GANC: variants seen among roughly 807,000 people sequenced by gnomAD.
GANC encodes glucosidase alpha, neutral C.
In GANC, 117 loss-of-function variants were observed where a neutral mutation model predicts 124.2. The observed-to-expected ratio is 0.94, with a 90% CI of 0.81 to 1.10. GANC has a LOEUF of 1.10. Among genes scored for constraint, GANC ranks in the 50% least tolerant of loss-of-function variants. The pLI is 0.00. For missense variants in GANC, 1,140 were observed against 1,095.0 expected (o/e 1.04, Z -0.58); for synonymous variants, 377 against 376.8 (o/e 1.00, Z -0.01).
intron 7 of GANC, among the ~76,000 whole-genome samples, chr15:42,307,290 G>A (rs2052006741): frequency 6.6e-6 from 1 of 151,534 alleles, no homozygotes; most frequent in Non-Finnish European, 1.5e-5. Context: ...AAAAGTGGGG[G>A]CATGGGTTCT....
At chr15:42,280,513 G>A (rs1566948516) in intron 3 of GANC, among the ~76,000 whole-genome samples, 1 of 152,290 alleles carries the variant, frequency 6.6e-6, no homozygotes, top group Admixed American at 6.5e-5. Context: ...AGCAGAAGCA[G>A]TTGGCTCCAG....
At position 42,349,457 on chromosome 15, in the gene GANC, C is replaced by T. The variant is rs1429475130; in HGVS notation, c.2493C>T (p.His831=). ...ACCTCCACCAGAAGCAATTTTTGCA[C>T]AGGAAGTTTTCATTCTGTTCCAGTG... ...FQYLHQKQFL[H]RKFSFCSSVL... The change falls in exon 22 of 24, where the codon CAC becomes CAT. Residue 831 remains histidine, a synonymous_variant. Coordinates refer to ENST00000318010, the MANE Select transcript of GANC (RefSeq NM_198141.3). The T allele has an allele frequency of 6.2e-7, 1 of 1,613,174 alleles. No homozygotes were observed. Among genetic ancestry groups the T allele is most frequent in the East Asian group, 2.2e-5 (1 of 44,858 alleles).
In GANC at chr15:42,326,426, T is replaced by A; in HGVS notation, c.1420+2T>A. The A allele has an allele frequency of 1.2e-6, 2 of 1,613,924 alleles. No homozygotes were observed. The highest frequency in any genetic ancestry group is 1.7e-6 in the Non-Finnish European group (2 of 1,179,858). ...ACTTTGAAGGGGTGTGTTGGCCAGG[T>A]ATGAAATCACTTTATACACTTATTA... On this transcript the variant is annotated splice_donor_variant, in intron 12 of 23. Transcript: ENST00000318010. LOFTEE classifies it high-confidence loss of function.
chr15:42,352,993 C>A lies in GANC; in HGVS notation c.*854C>A. 1 of 672,740 alleles carries A rather than the reference C, an allele frequency of 1.5e-6. No homozygotes were observed. Among genetic ancestry groups the A allele is most frequent in the Non-Finnish European group, 1.8e-6 (1 of 544,454 alleles). 41.7% of individuals were successfully genotyped at this position (672,740 alleles called of 1,614,324 possible). ...TAATCAAAGTAAGTAATATTTCAAT[C>A]CAATATTTTTAAAAATCAGAATTAA... On this transcript the variant is annotated 3_prime_UTR_variant, in exon 24 of 24. Coordinates refer to ENST00000318010, the MANE Select transcript of GANC (RefSeq NM_198141.3).
chr15:42,278,540 A>G lies in GANC; in HGVS notation c.151A>G (p.Thr51Ala). The G allele has an allele frequency of 6.2e-7, 1 of 1,613,384 alleles. No homozygotes were observed. Among genetic ancestry groups the G allele is most frequent in the Admixed American group, 1.7e-5 (1 of 59,890 alleles). The change falls in exon 3 of 24, where the codon ACA becomes GCA. Residue 51 changes from threonine to alanine, a missense_variant. By Grantham distance (58) the Thr-to-Ala change is moderately conservative. Coordinates refer to ENST00000318010, the MANE Select transcript of GANC (RefSeq NM_198141.3). ...CTATCAGGCATTATTGGATTCAGTC[A>G]CAACAGATGAAGACAGCACCAGGTT... ...STYQALLDSV[T>A]TDEDSTRFQI...
In GANC at chr15:42,310,794, G is replaced by C; in HGVS notation, c.1005G>C (p.Leu335=). 6.2e-7 allele frequency: 1 copy of C among 1,613,896 alleles called. No homozygotes were observed. Among genetic ancestry groups the C allele is most frequent in the Non-Finnish European group, 8.5e-7 (1 of 1,179,894 alleles). The change falls in exon 10 of 24, where the codon CTG becomes CTC. Residue 335 remains leucine (L), a synonymous_variant. Coordinates refer to ENST00000318010, the MANE Select transcript of GANC (RefSeq NM_198141.3). ...MSESGIIDVF[L]LTGPTPSDVF... ...AGAGTGGCATCATTGATGTTTTTCT[G>C]CTGACAGGACCTACACCTTCTGATG...
rs756146914 is a variant in GANC, at chr15:42,292,900, G to T, written c.495G>T (p.Gln165His). ...GCCAATTATACTTTGAGCATCTACA[G>T]ATTCTTCACAAACAAAGGTATTCTT... is the stretch of plus-strand genomic sequence containing the variant. ...SLGQLYFEHLQILHKQRAAKE... is the reference protein window; with the variant it reads ...SLGQLYFEHLHILHKQRAAKE... The change falls in exon 5 of 24, where the codon CAG (glutamine) becomes CAT (histidine). Residue 165 changes from glutamine (Q) to histidine (H), a missense_variant. Transcript: ENST00000318010. 1.9e-6 allele frequency: 3 copies of T among 1,613,798 alleles called. No individual in the cohort carries two copies. The highest frequency in any genetic ancestry group is 8.5e-7 in the Non-Finnish European group (1 of 1,179,838).
At position 42,353,272 on chromosome 15, in the gene GANC, C is replaced by T; in HGVS notation, c.*1133C>T. On this transcript the variant is annotated 3_prime_UTR_variant, in exon 24 of 24. Coordinates refer to ENST00000318010, the MANE Select transcript of GANC (RefSeq NM_198141.3). ...ACACCTCTTCTTATCAGGCTTCCTC[C>T]ACTTAGCAACTTGCTAACGGCCACC... 1.0e-6 allele frequency: 1 copy of T among 986,118 alleles called. No homozygotes were observed. Among genetic ancestry groups the T allele is most frequent in the Non-Finnish European group, 1.2e-6 (1 of 830,094 alleles). The allele number at this position is 986,118 out of a possible 1,614,324, so 61.1% of individuals were successfully genotyped here. A position where few individuals can be genotyped will look rare whatever the true frequency, so the allele number is the denominator to read the frequency against.
chr15:42,302,429 C>A (rs1251583792), intron 6 of GANC, among the ~76,000 whole-genome samples: 1 of 152,108 alleles, frequency 6.6e-6, no homozygotes, highest in African/African-American at 2.4e-5. Context: ...ATTCCAAAAA[C>A]CAGAACACCT....
chr15:42,286,620 A>G (rs1035116711), intron 3 of GANC, among the ~76,000 whole-genome samples: 1 of 152,222 alleles, frequency 6.6e-6, no homozygotes, highest in Admixed American at 6.5e-5. Context: ...ATCCACAGCC[A>G]TAGCACTGTT....
intron 6 of GANC, among the ~76,000 whole-genome samples, chr15:42,304,325 T>C (rs553615446): frequency 1.3e-5 from 2 of 152,114 alleles, no homozygotes; most frequent in Non-Finnish European, 2.9e-5. Context: ...AAAAACGCAA[T>C]GTACCAGAAT....
chr15:42,274,944 A>G (rs1352554645), intron 1 of GANC, among the ~76,000 whole-genome samples: 3 of 152,194 alleles, frequency 2.0e-5, no homozygotes, highest in African/African-American at 4.8e-5. Flanking sequence ...AAAAGTTGCA[A>G]TCAGAACTCT....
intron 6 of GANC, 41 bp downstream of exon 6, chr15:42,297,697 T>A (rs760545833): frequency 4.2e-6 from 6 of 1,422,602 alleles, no homozygotes; most frequent in Non-Finnish European, 5.9e-6. Context: ...TTTTTCACCA[T>A]CATCATCATG....
rs76587217 is a variant in GANC, at chr15:42,308,232, T to A, written c.636T>A (p.Ser212=). The stretch of plus-strand genomic sequence containing the variant: ...TCCTGGTCTCTACAGGCCCTTCTTC[T>A]ATTGGTTTGGATTTCTCCTTGCATG... The part of the protein sequence containing the change: ...FVDIKANGPS[S]IGLDFSLHGF... The change falls in exon 8 of 24, where the codon TCT becomes TCA. Residue 212 remains serine, a synonymous_variant. Transcript: ENST00000318010. The A allele has an allele frequency of 6.9e-4, 1,113 of 1,604,748 alleles. 5 individuals carry two copies. In the African/African-American group the frequency reaches 0.013, roughly 19 times the overall value.
At chr15:42,329,213 T>C (rs2052221380) in intron 13 of GANC, 93 bp from the exon 14 acceptor site, 5 of 1,276,418 alleles carry the variant, frequency 3.9e-6, no homozygotes, top group Non-Finnish European at 4.4e-6. Context: ...GCATAGATAA[T>C]AAACATAATT....
intron 10 of GANC, among the ~76,000 whole-genome samples, chr15:42,316,138 G>T (rs1595775857): frequency 6.6e-6 from 1 of 152,120 alleles, no homozygotes; most frequent in African/African-American, 2.4e-5. Flanking sequence ...TGAAAGCAGG[G>T]ACTCAACAGA....
Position 42,308,224 on chromosome 15 carries a change from C to A in GANC, c.628C>A (p.Pro210Thr). The change falls in exon 8 of 24, where the codon CCT (proline) becomes ACT (threonine). Residue 210 changes from proline to threonine, a missense_variant and splice_region_variant. By Grantham distance (38) the Pro-to-Thr change is conservative. Coordinates refer to ENST00000318010, the MANE Select transcript of GANC (RefSeq NM_198141.3). ...GKFVDIKANG[P>T]SSIGLDFSLH... ...ACTCAGTATCCTGGTCTCTACAGGC[C>A]CTTCTTCTATTGGTTTGGATTTCTC... is the stretch of plus-strand genomic sequence containing the variant. 6.2e-7 allele frequency: 1 copy of A among 1,600,310 alleles called. No homozygotes were observed. The highest frequency in any genetic ancestry group is 8.6e-7 in the Non-Finnish European group (1 of 1,169,222).
chr15:42,307,611 A>T (rs1566954321), intron 7 of GANC, among the ~76,000 whole-genome samples: 1 of 152,256 alleles, frequency 6.6e-6, no homozygotes, highest in Admixed American at 6.5e-5. Context: ...AGTCCACGTT[A>T]TACCTCCTAG....
At chr15:42,319,987 C>G (rs1016288604) in intron 10 of GANC, among the ~76,000 whole-genome samples, 1 of 152,056 alleles carries the variant, frequency 6.6e-6, no homozygotes, top group African/African-American at 2.4e-5. Flanking sequence ...AGTTTGAGAC[C>G]AGCTTGGTCA....
Sources: gnomAD v4.1 joint callset for allele counts (sites outside exome capture counted in the v4.1 genomes callset) on GRCh38, gnomAD v4.1.1 for gene constraint, MANE v1.5 for transcripts, NCBI Gene and HGNC (gene_info 2026-07-23, HGNC 2026-07-21) for gene names.